The following SEM1 variants were observed in gnomAD, a reference collection of about 807,000 sequenced individuals.
The protein encoded by SEM1 is SEM1 26S proteasome subunit.
SEM1 carries 3 observed loss-of-function variants against 12.7 expected under a neutral mutation model. The ratio of observed to expected loss-of-function variants is 0.24; its 90% CI spans 0.11 to 0.61. The LOEUF (loss-of-function observed/expected upper bound fraction) is 0.61. Among genes scored for constraint, SEM1 ranks in the 20% least tolerant of loss-of-function variants. SEM1 has a pLI of 0.88. For missense variants in SEM1, 59 were observed against 81.3 expected (o/e 0.73, Z 1.06); for synonymous variants, 30 against 27.8 (o/e 1.08, Z -0.25).
At position 96,541,440 on chromosome 7, in the gene SEM1, TTTG is replaced by T. The variant is rs1241335022; in HGVS notation, c.171-34745_171-34743del. ...TCCCACTTTTTAATGGGTTTTTTTT[TTTG>T]TTTTTTTTTTTTTTTTGCTGAATTG... On this transcript the variant is annotated intron_variant and NMD_transcript_variant, in intron 2 of 3. Transcript: ENST00000466986. 3.4e-3 allele frequency among the ~76,000 whole-genome samples: 457 copies of T among 134,950 alleles called. 6 individuals carry two copies. The highest frequency in any genetic ancestry group is 0.013 in the African/African-American group (415 of 32,948). The allele number at this position is 134,950 out of a possible 152,430, so 88.5% of individuals were successfully genotyped here. A position where few individuals can be genotyped will look rare whatever the true frequency, so the allele number is the denominator to read the frequency against.
chr7:96,686,108 G>A (rs1789754108), downstream of SEM1, among the ~76,000 whole-genome samples: 1 of 152,018 alleles, frequency 6.6e-6, no homozygotes, highest in African/African-American at 2.4e-5. Context: ...TTTTCTATTT[G>A]ACAAAATTGT....
chr7:96,518,719 A>G (rs1481538298), intron 2 of SEM1, among the ~76,000 whole-genome samples: 4 of 152,190 alleles, frequency 2.6e-5, no homozygotes, highest in Non-Finnish European at 5.9e-5. Context: ...CTTGGCAGGT[A>G]TGTATCTCTT....
At chr7:96,674,724 T>A (rs1476836149) in intron 2 of SEM1, among the ~76,000 whole-genome samples, 1 of 152,102 alleles carries the variant, frequency 6.6e-6, no homozygotes, top group Non-Finnish European at 1.5e-5. Context: ...AAATTTGTGG[T>A]TTCATAATAG....
intron 3 of SEM1, chr7:96,484,058 T>A: frequency 7.4e-7 from 1 of 1,355,236 alleles, no homozygotes; most frequent in East Asian, 2.5e-5. Flanking sequence ...ATTAACTTAT[T>A]CAATCTTCAC....
chr7:96,580,485 A>C (rs1465721851), intron 2 of SEM1, among the ~76,000 whole-genome samples: 1 of 151,712 alleles, frequency 6.6e-6, no homozygotes, highest in Non-Finnish European at 1.5e-5. Context: ...GTCTATACCC[A>C]GTAATGGGAT....
chr7:96,496,893 A>G (rs907276966), upstream of SEM1, among the ~76,000 whole-genome samples: 3 of 152,256 alleles, frequency 2.0e-5, no homozygotes, highest in African/African-American at 7.2e-5. Context: ...ATTAAATACC[A>G]TATTAACAAG....
chr7:96,611,864 T>C (rs1013480244), intron 2 of SEM1, among the ~76,000 whole-genome samples: 3 of 152,122 alleles, frequency 2.0e-5, no homozygotes, highest in Non-Finnish European at 4.4e-5. Context: ...CATGACTGGG[T>C]CCCTAAGCTG....
At chr7:96,556,711 G>C (rs1402487327) in intron 2 of SEM1, among the ~76,000 whole-genome samples, 1 of 126,774 alleles carries the variant, frequency 7.9e-6, no homozygotes, top group Admixed American at 8.2e-5. Context: ...GGTGTTCTCT[G>C]TATTTCCTGA....
At chr7:96,496,662 G>A (rs936187087), upstream of SEM1, among the ~76,000 whole-genome samples, 1 of 152,142 alleles carries the variant, frequency 6.6e-6, no homozygotes, top group African/African-American at 2.4e-5. Flanking sequence ...TAAGATTTAA[G>A]AGTAATTTTT....
At chr7:96,518,056 T>A (rs1447413226) in intron 2 of SEM1, among the ~76,000 whole-genome samples, 1 of 152,166 alleles carries the variant, frequency 6.6e-6, no homozygotes, top group Non-Finnish European at 1.5e-5. Context: ...GCATTTGAAA[T>A]TAGAGAACAC....
chr7:96,583,794 C>T (rs1453809088), intron 2 of SEM1, among the ~76,000 whole-genome samples: 1 of 150,404 alleles, frequency 6.6e-6, no homozygotes, highest in African/African-American at 2.4e-5. Context: ...AGGATTGCAA[C>T]CCCTGCCTTT....
chr7:96,697,392 A>G (rs1444047546), intron 1 of SEM1: 1 of 152,110 alleles, frequency 6.6e-6, no homozygotes, highest in Non-Finnish European at 1.5e-5. Context: ...TATCACCTTG[A>G]CATTTAAGTA....
chr7:96,583,008 C>G lies in SEM1; in HGVS notation c.171-76310G>C, dbSNP rs546567845. Among the ~76,000 whole-genome samples the G allele has an allele frequency of 9.9e-5, 15 of 152,262 alleles. No individual in the cohort carries two copies. In the South Asian group the frequency reaches 3.1e-3, roughly 32 times the overall value. On this transcript the variant is annotated intron_variant and NMD_transcript_variant, in intron 2 of 3. Coordinates refer to the SEM1 transcript ENST00000466986. ...TCTGATTTTAGTTATTTCTTGCCTT[C>G]TGCTATCTTTTGAATGTGTTTGCTC...
chr7:96,584,171 A>G (rs1386637249), intron 2 of SEM1, among the ~76,000 whole-genome samples: 2 of 152,136 alleles, frequency 1.3e-5, no homozygotes, highest in Non-Finnish European at 2.9e-5. Flanking sequence ...TGGTGGTGAC[A>G]AAATCTGTCA....
intron 2 of SEM1, among the ~76,000 whole-genome samples, chr7:96,580,120 T>TC (rs1451680918): frequency 1.2e-5 from 1 of 81,640 alleles, no homozygotes; most frequent in East Asian, 4.1e-4. Flanking sequence ...CCCTCCCCCC[T>TC]CCCCCCACCC....
chr7:96,618,523 G>A (rs984070998), downstream of SEM1, among the ~76,000 whole-genome samples: 10 of 152,074 alleles, frequency 6.6e-5, no homozygotes, highest in South Asian at 2.1e-4. Context: ...CCAATAACTC[G>A]TAAGTTCAGT....
At chr7:96,699,529 C>T (rs1450302060) in intron 1 of SEM1, among the ~76,000 whole-genome samples, 1 of 152,140 alleles carries the variant, frequency 6.6e-6, no homozygotes, top group African/African-American at 2.4e-5. Context: ...CATGCTGAGG[C>T]CACAAACCAC....
At chr7:96,556,399 T>C (rs1290460951) in intron 2 of SEM1, among the ~76,000 whole-genome samples, 2 of 152,188 alleles carry the variant, frequency 1.3e-5, no homozygotes, top group African/African-American at 2.4e-5. Flanking sequence ...GTGACAAAAT[T>C]TCTTAGCATT....
At chr7:96,691,007 G>A (rs569516767) in intron 2 of SEM1, among the ~76,000 whole-genome samples, 6 of 152,090 alleles carry the variant, frequency 3.9e-5, no homozygotes, top group Non-Finnish European at 7.4e-5. Flanking sequence ...TCCTGACCTC[G>A]TGATCCACCG....
Sources: allele counts gnomAD v4.1 joint callset (sites outside exome capture counted in the v4.1 genomes callset), GRCh38; gene constraint gnomAD v4.1.1; transcripts MANE v1.5; gene names NCBI Gene and HGNC (gene_info 2026-07-23, HGNC 2026-07-21).